TAFA5: variants seen among roughly 807,000 people sequenced by gnomAD.
TAFA5 encodes the protein chemokine-like protein TAFA-5.
TAFA5 carries 6 observed loss-of-function variants against 15.3 expected under a neutral mutation model. The observed-to-expected ratio is 0.39, with a 90% CI of 0.21 to 0.77. TAFA5 has a LOEUF of 0.77. TAFA5 is among the 30% of genes least tolerant of loss of function. The pLI, the probability that TAFA5 is intolerant of heterozygous loss-of-function variation, is 0.41. For missense variants in TAFA5, 161 were observed against 193.1 expected, an observed-to-expected ratio of 0.83 and a Z score of 0.98; for synonymous variants, 103 against 80.7, an observed-to-expected ratio of 1.28 and a Z score of -1.48.
intron 1 of TAFA5, among the ~76,000 whole-genome samples, chr22:48,523,018 G>T (rs1921657453): frequency 6.6e-6 from 1 of 152,198 alleles, no homozygotes; most frequent in South Asian, 2.1e-4. Context: ...GGGCTGTGTC[G>T]GTTCCTTCCC....
chr22:48,711,441 C>G lies in TAFA5; in HGVS notation c.390+3597C>G, dbSNP rs773532512. Among the ~76,000 whole-genome samples, 3 of 151,890 alleles carry G rather than the reference C, an allele frequency of 2.0e-5. No homozygotes were observed. In the East Asian group the frequency reaches 5.8e-4, roughly 29 times the overall value. On this transcript the variant is annotated intron_variant, in intron 3 of 3. Transcript: ENST00000402357. ...GGCCCTGTAATCTTCCCAGGTATCT[C>G]GGGAGAAGTCTCTGGGAACAGCAGG...
chr22:48,619,394 C>T (rs192012697), intron 1 of TAFA5, among the ~76,000 whole-genome samples: 4 of 152,290 alleles, frequency 2.6e-5, no homozygotes, highest in South Asian at 2.1e-4. Flanking sequence ...CTCACTCTGT[C>T]GCCCAGGCTG....
At chr22:48,627,742 C>A (rs1036199219) in intron 1 of TAFA5, among the ~76,000 whole-genome samples, 2 of 152,252 alleles carry the variant, frequency 1.3e-5, no homozygotes, top group South Asian at 2.1e-4. Flanking sequence ...TGTCCCTGAC[C>A]CACGCCTGGG....
At chr22:48,495,741 C>G (rs1928302804) in intron 1 of TAFA5, among the ~76,000 whole-genome samples, 1 of 152,224 alleles carries the variant, frequency 6.6e-6, no homozygotes, top group Non-Finnish European at 1.5e-5. Flanking sequence ...TTCTCCGCCT[C>G]CAGGCCCCTG....
At chr22:48,645,008 G>A (rs1177463463) in intron 1 of TAFA5, among the ~76,000 whole-genome samples, 1 of 152,268 alleles carries the variant, frequency 6.6e-6, no homozygotes, top group Non-Finnish European at 1.5e-5. Context: ...GGCCCCTGGG[G>A]AGGACACCAA....
chr22:48,583,645 A>G (rs1426956366), intron 1 of TAFA5, among the ~76,000 whole-genome samples: 5 of 151,770 alleles, frequency 3.3e-5, no homozygotes, highest in Admixed American at 2.0e-4. Context: ...CAAACCACAC[A>G]CAAAATACAC....
intron 1 of TAFA5, among the ~76,000 whole-genome samples, chr22:48,570,418 T>C (rs970717398): frequency 6.6e-6 from 1 of 152,158 alleles, no homozygotes; most frequent in African/African-American, 2.4e-5. Context: ...CAAAGGAAAG[T>C]TCCAAATGAG....
chr22:48,531,955 C>G (rs565540046), intron 1 of TAFA5, among the ~76,000 whole-genome samples: 3 of 152,198 alleles, frequency 2.0e-5, no homozygotes, highest in Non-Finnish European at 4.4e-5. Flanking sequence ...CAGCACATGC[C>G]GGCACAGCTG....
intron 3 of TAFA5, among the ~76,000 whole-genome samples, chr22:48,736,021 A>G (rs1930007530): frequency 1.2e-5 from 1 of 81,734 alleles, no homozygotes; most frequent in Non-Finnish European, 2.5e-5. Context: ...CCCAGGAGGA[A>G]TGAGAATCGC....
chr22:48,743,236 C>A (rs757064180), intron 3 of TAFA5, among the ~76,000 whole-genome samples: 1 of 152,168 alleles, frequency 6.6e-6, no homozygotes, highest in African/African-American at 2.4e-5. Flanking sequence ...GGGGTCCAGA[C>A]GTCTGTGGTC....
At chr22:48,580,729 C>A (rs1924005936) in intron 1 of TAFA5, among the ~76,000 whole-genome samples, 3 of 152,184 alleles carry the variant, frequency 2.0e-5, no homozygotes, top group Admixed American at 2.0e-4. Context: ...GTGCCTGCAC[C>A]CCTGCACCCA....
At chr22:48,722,290 A>G (rs902865914) in intron 3 of TAFA5, among the ~76,000 whole-genome samples, 8 of 152,224 alleles carry the variant, frequency 5.3e-5, no homozygotes, top group Non-Finnish European at 8.8e-5. Context: ...GATAGCAAAG[A>G]CTTGGAAAGT....
chr22:48,500,069 G>A (rs1331104440), intron 1 of TAFA5, among the ~76,000 whole-genome samples: 1 of 152,078 alleles, frequency 6.6e-6, no homozygotes, highest in Non-Finnish European at 1.5e-5. Context: ...GTAAGATGAG[G>A]GGAGGTTAAG....
chr22:48,581,621 G>A (rs1924045898), intron 1 of TAFA5, among the ~76,000 whole-genome samples: 1 of 152,204 alleles, frequency 6.6e-6, no homozygotes, highest in African/African-American at 2.4e-5. Context: ...CCCTGGGCCT[G>A]GAGAAGGCCG....
At chr22:48,740,052 G>A (rs982920274) in intron 3 of TAFA5, among the ~76,000 whole-genome samples, 27 of 152,106 alleles carry the variant, frequency 1.8e-4, no homozygotes, top group African/African-American at 5.8e-4. Context: ...CCATCCTCCT[G>A]GACACTGCTG....
At chr22:48,632,101 G>A (rs1334223410) in intron 1 of TAFA5, among the ~76,000 whole-genome samples, 1 of 152,192 alleles carries the variant, frequency 6.6e-6, no homozygotes, top group Admixed American at 6.5e-5. Context: ...TCTTCCTAAA[G>A]GTCATCTCCT....
At chr22:48,493,663 G>A (rs1928230457) in intron 1 of TAFA5, among the ~76,000 whole-genome samples, 1 of 152,184 alleles carries the variant, frequency 6.6e-6, no homozygotes. Context: ...AAGAAGATGG[G>A]ATGTTTGTTT....
intron 2 of TAFA5, among the ~76,000 whole-genome samples, chr22:48,691,414 G>A (rs932379792): frequency 6.6e-6 from 1 of 152,220 alleles, no homozygotes. Flanking sequence ...AACCAGCAAG[G>A]CCTAAGAGGG....
chr22:48,710,370 G>C (rs1308879264), intron 3 of TAFA5, among the ~76,000 whole-genome samples: 17 of 152,102 alleles, frequency 1.1e-4, no homozygotes, highest in Admixed American at 1.1e-3. Context: ...CCTGGACCCA[G>C]CCCTCCCTGC....
Sources: allele counts gnomAD v4.1 joint callset (sites outside exome capture counted in the v4.1 genomes callset), GRCh38; gene constraint gnomAD v4.1.1; transcripts MANE v1.5; gene names NCBI Gene and HGNC (gene_info 2026-07-23, HGNC 2026-07-21).